The following HMGB1 variants were observed in gnomAD, a reference collection of about 807,000 sequenced individuals.
HMGB1 encodes high mobility group box 1.
For missense variants in HMGB1, 79 were observed against 253.5 expected, an observed-to-expected ratio of 0.31 and a Z score of 4.67; for synonymous variants, 81 against 84.0, an observed-to-expected ratio of 0.96 and a Z score of 0.19.
intron 1 of HMGB1, among the ~76,000 whole-genome samples, chr13:30,565,109 AT>A (rs1870133788): frequency 6.6e-6 from 1 of 152,264 alleles, no homozygotes; most frequent in South Asian, 2.1e-4. Context: ...TGTAAGTTAT[AT>A]AAAAATCACA....
In HMGB1 at chr13:30,460,168, G is replaced by A. The variant is rs1242579535; in HGVS notation, c.*1189C>T. The A allele has an allele frequency of 3.3e-5, 5 of 151,954 alleles. No individual in the cohort carries two copies. Among genetic ancestry groups the A allele is most frequent in the Admixed American group, 6.5e-5 (1 of 15,276 alleles). The allele number at this position is 151,954 out of a possible 1,614,324, so 9.4% of individuals were successfully genotyped here. ...AAATAAATTGAATAATTCATACTGA[G>A]ATGCAAAGTTTGTCTTCTTTCTTCC... On this transcript the variant is annotated 3_prime_UTR_variant, in exon 5 of 5. Coordinates refer to ENST00000341423, the MANE Select transcript of HMGB1 (RefSeq NM_002128.7).
intron 1 of HMGB1, among the ~76,000 whole-genome samples, chr13:30,609,837 C>T (rs1349599601): frequency 1.3e-5 from 2 of 152,184 alleles, no homozygotes; most frequent in Non-Finnish European, 2.9e-5. Context: ...TGAGAACATA[C>T]CATTTTTGGT....
At chr13:30,584,258 C>G (rs1317002060) in intron 1 of HMGB1, among the ~76,000 whole-genome samples, 1 of 152,170 alleles carries the variant, frequency 6.6e-6, no homozygotes. Context: ...TTTTTATCTT[C>G]CTTTTACCAG....
Position 30,592,034 on chromosome 13 carries a change from A to G in HMGB1, c.-15+24637T>C, listed in dbSNP as rs559430778. Among the ~76,000 whole-genome samples the G allele has an allele frequency of 3.3e-5, 5 of 152,254 alleles. No individual in the cohort carries two copies. The South Asian group carries it at 1.0e-3, about 32-fold the overall frequency. On this transcript the variant is annotated intron_variant, in intron 1 of 4. Coordinates refer to the HMGB1 transcript ENST00000405805. ...ACTGTGTTCTTTCCTCTCAATTTTA[A>G]CAGAAGGAAAATTGTCAAAATTAGC... is the stretch of plus-strand genomic sequence containing the variant.
chr13:30,463,501 AC>A, intron 2 of HMGB1, 29 bp downstream of exon 2: 1 of 1,592,364 alleles, frequency 6.3e-7, no homozygotes, highest in Non-Finnish European at 8.5e-7. Context: ...TCTTTTAATT[AC>A]CTTGTTAGCA....
intron 1 of HMGB1, among the ~76,000 whole-genome samples, chr13:30,614,120 C>A (rs1240363566): frequency 6.6e-6 from 1 of 152,054 alleles, no homozygotes; most frequent in Non-Finnish European, 1.5e-5. Flanking sequence ...TTTATTTGTT[C>A]TTACATGTGT....
intron 1 of HMGB1, among the ~76,000 whole-genome samples, chr13:30,604,555 T>C (rs1950435947): frequency 3.3e-5 from 5 of 152,304 alleles, no homozygotes; most frequent in South Asian, 4.1e-4. Flanking sequence ...AAAACGTTGA[T>C]AGTACCAAGG....
At chr13:30,538,684 C>T (rs9508789) in intron 1 of HMGB1, among the ~76,000 whole-genome samples, 528 of 9,818 alleles carry the variant, frequency 0.054, 31 homozygotes, top group African/African-American at 0.083. Context: ...TTCTTTCTTT[C>T]CTTTCTTTCT....
At chr13:30,506,694 T>G (rs1428578731) in intron 1 of HMGB1, among the ~76,000 whole-genome samples, 2 of 152,176 alleles carry the variant, frequency 1.3e-5, no homozygotes, top group African/African-American at 4.8e-5. Context: ...TCTCTTGGCC[T>G]GGCTGGTTTG....
intron 1 of HMGB1, among the ~76,000 whole-genome samples, chr13:30,608,568 A>T (rs955801738): frequency 7.2e-5 from 11 of 152,196 alleles, no homozygotes; most frequent in Admixed American, 5.2e-4. Flanking sequence ...CAAGTTTGGG[A>T]GAAAAAATTC....
chr13:30,545,405 C>G (rs1315474397), intron 1 of HMGB1, among the ~76,000 whole-genome samples: 1 of 150,256 alleles, frequency 6.7e-6, no homozygotes, highest in African/African-American at 2.4e-5. Context: ...TAATATTATT[C>G]TGTTATTCAT....
At chr13:30,577,628 C>T (rs562092496) in intron 1 of HMGB1, among the ~76,000 whole-genome samples, 2 of 152,176 alleles carry the variant, frequency 1.3e-5, no homozygotes, top group Non-Finnish European at 2.9e-5. Context: ...CAGATCACTG[C>T]GGATTAAGTC....
chr13:30,480,374 T>C (rs1887198798), intron 1 of HMGB1, among the ~76,000 whole-genome samples: 1 of 152,250 alleles, frequency 6.6e-6, no homozygotes, highest in South Asian at 2.1e-4. Flanking sequence ...CTAAATTCAA[T>C]GAATTCAGTC....
At chr13:30,495,727 G>A (rs1382940190) in intron 1 of HMGB1, among the ~76,000 whole-genome samples, 1 of 152,134 alleles carries the variant, frequency 6.6e-6, no homozygotes, top group African/African-American at 2.4e-5. Context: ...ATCCGCCCGC[G>A]TTGGCCTCCC....
intron 1 of HMGB1, chr13:30,465,055 G>C (rs1228499526): frequency 7.9e-6 from 5 of 632,522 alleles, no homozygotes; most frequent in East Asian, 2.9e-4. Flanking sequence ...TGAAAAGAGA[G>C]AGGAAAAAAA....
At chr13:30,548,021 G>C (rs959197049) in intron 1 of HMGB1, among the ~76,000 whole-genome samples, 3 of 152,098 alleles carry the variant, frequency 2.0e-5, no homozygotes, top group Non-Finnish European at 4.4e-5. Flanking sequence ...TTTATCTAAT[G>C]GTGTTTTTCT....
rs578195433 is a variant in HMGB1 at position 30,524,669 on chromosome 13, G to A, written c.-14-60975C>T. 2.6e-3 allele frequency among the ~76,000 whole-genome samples: 397 copies of A among 150,444 alleles called. 2 individuals are homozygous for A. Among genetic ancestry groups the A allele is most frequent in the African/African-American group, 9.4e-3 (387 of 40,976 alleles). On this transcript the variant is annotated intron_variant, in intron 1 of 4. Transcript: ENST00000405805. ...TTGCACTCCAGCCTGGGTGACAAGAGCAAGACTCTGTCTCAAAAATAAAAT... is the reference window on the plus strand; with the variant it reads ...TTGCACTCCAGCCTGGGTGACAAGAACAAGACTCTGTCTCAAAAATAAAAT...
At chr13:30,549,320 G>A (rs747186145) in intron 1 of HMGB1, among the ~76,000 whole-genome samples, 14 of 152,120 alleles carry the variant, frequency 9.2e-5, no homozygotes, top group Non-Finnish European at 2.1e-4. Context: ...CCAGATTGGG[G>A]CAGCATCTCT....
chr13:30,590,144 T>C (rs1461860142), intron 1 of HMGB1, among the ~76,000 whole-genome samples: 2 of 152,092 alleles, frequency 1.3e-5, no homozygotes. Context: ...CCAGCAGCAC[T>C]TTCTATGATG....
Sources: gnomAD v4.1 joint callset for allele counts (sites outside exome capture counted in the v4.1 genomes callset) on GRCh38, gnomAD v4.1.1 for gene constraint, MANE v1.5 for transcripts, NCBI Gene and HGNC (gene_info 2026-07-23, HGNC 2026-07-21) for gene names.